Variants in HTR4 observed in about 807,000 individuals in gnomAD.
The protein encoded by HTR4 is 5-hydroxytryptamine receptor 4, also known as 5-hydroxytryptamine (serotonin) receptor 4, G protein-coupled.
In HTR4, 16 loss-of-function variants were observed where a neutral mutation model predicts 36.8. The ratio of observed to expected loss-of-function variants is 0.43; its 90% confidence interval spans 0.29 to 0.66. The LOEUF (loss-of-function observed/expected upper bound fraction) is 0.66, where lower values mean the gene tolerates loss of function less well. Ranked by LOEUF, HTR4 falls within the 30% of genes least tolerant of loss-of-function variation. HTR4 has a pLI of 0.13. For missense variants in HTR4, 438 were observed against 490.9 expected (o/e 0.89, Z 1.02); for synonymous variants, 189 against 185.1 (o/e 1.02, Z -0.17).
At position 148,614,929 on chromosome 5, in the gene HTR4, A is replaced by G. The variant is rs1390369151; in HGVS notation, c.26+22060T>C. Reference sequence around the variant, plus strand: ...TATGTAGCCAAAAAACACATGAAAAAATGCTCACCATCACTGGCCATCAGA... The same window carrying G: ...TATGTAGCCAAAAAACACATGAAAAGATGCTCACCATCACTGGCCATCAGA... On this transcript the variant is annotated intron_variant, in intron 2 of 6. Transcript: ENST00000377888. Among the ~76,000 whole-genome samples, 3 of 152,320 alleles carry G rather than the reference A, an allele frequency of 2.0e-5. No individual in the cohort carries two copies. The East Asian group carries it at 5.8e-4, about 29-fold the overall frequency.
At chr5:148,601,454 G>A (rs1196784265) in intron 2 of HTR4, among the ~76,000 whole-genome samples, 1 of 152,082 alleles carries the variant, frequency 6.6e-6, no homozygotes, top group Non-Finnish European at 1.5e-5. Flanking sequence ...TCTATTAATG[G>A]ATGGATAAAT....
At chr5:148,476,431 G>T (rs1581351514), downstream of HTR4, among the ~76,000 whole-genome samples, 1 of 152,160 alleles carries the variant, frequency 6.6e-6, no homozygotes, top group South Asian at 2.1e-4. Context: ...TAATCTTTCT[G>T]CCACTTGAAA....
At chr5:148,481,032 A>C (rs184178858), downstream of HTR4, among the ~76,000 whole-genome samples, 265 of 152,294 alleles carry the variant, frequency 1.7e-3, 2 homozygotes, top group Admixed American at 4.1e-3. Flanking sequence ...TCAGCAATGG[A>C]CCCAGTGCAC....
At chr5:148,616,433 T>C (rs1391476793) in intron 2 of HTR4, among the ~76,000 whole-genome samples, 1 of 152,056 alleles carries the variant, frequency 6.6e-6, no homozygotes, top group African/African-American at 2.4e-5. Flanking sequence ...GCATGCTTTT[T>C]CCCCCTCCCA....
chr5:148,617,008 A>G (rs1384099179), intron 2 of HTR4, among the ~76,000 whole-genome samples: 1 of 152,204 alleles, frequency 6.6e-6, no homozygotes, highest in African/African-American at 2.4e-5. Flanking sequence ...ACAGAATCTT[A>G]TATCATTATT....
At chr5:148,607,640 T>C (rs1163228203) in intron 2 of HTR4, among the ~76,000 whole-genome samples, 1 of 152,118 alleles carries the variant, frequency 6.6e-6, no homozygotes, top group Non-Finnish European at 1.5e-5. Context: ...TCCCAGCCAA[T>C]TGGAGCACTA....
intron 2 of HTR4, among the ~76,000 whole-genome samples, chr5:148,591,806 C>T (rs938532937): frequency 6.6e-6 from 1 of 152,124 alleles, no homozygotes; most frequent in Non-Finnish European, 1.5e-5. Flanking sequence ...ATAACAGATG[C>T]TGCAAGGTTG....
chr5:148,523,187 A>T lies in HTR4; in HGVS notation c.507+6T>A. 6.2e-7 allele frequency: 1 copy of T among 1,612,414 alleles called. No individual in the cohort carries two copies. Among genetic ancestry groups the T allele is most frequent in the Non-Finnish European group, 8.5e-7 (1 of 1,178,906 alleles). On this transcript the variant is annotated splice_donor_region_variant and intron_variant, in intron 5 of 6. Coordinates refer to ENST00000377888, the MANE Select transcript of HTR4 (RefSeq NM_000870.7). ...GTAAACCAGTGAGGTCTGTGTGGAT[A>T]CTCACCAAATCAATTATGCCAATGT...
chr5:148,504,354 CAACTGCATGGA>C (rs1757081856), intron 6 of HTR4, among the ~76,000 whole-genome samples: 1 of 152,200 alleles, frequency 6.6e-6, no homozygotes, highest in South Asian at 2.1e-4. Flanking sequence ...CAAAACTGCT[CAACTGCATGGA>C]AACAGAACAA....
downstream of HTR4, among the ~76,000 whole-genome samples, chr5:148,480,197 T>C (rs1755832720): frequency 6.6e-6 from 1 of 152,234 alleles, no homozygotes; most frequent in Non-Finnish European, 1.5e-5. Context: ...ATATGAGAAG[T>C]TACGCTCATT....
intron 1 of HTR4, chr5:148,645,449 T>C (rs897216796): frequency 6.6e-6 from 1 of 152,208 alleles, no homozygotes; most frequent in African/African-American, 2.4e-5. Flanking sequence ...AATTAAAAAA[T>C]GTAAACATCT....
intron 5 of HTR4, among the ~76,000 whole-genome samples, chr5:148,460,051 A>G (rs1755231062): frequency 6.6e-6 from 1 of 152,154 alleles, no homozygotes; most frequent in Admixed American, 6.6e-5. Context: ...TGGTTGAGAA[A>G]AGAATCTGTG....
chr5:148,631,567 T>G (rs2127300731), intron 2 of HTR4, among the ~76,000 whole-genome samples: 1 of 152,288 alleles, frequency 6.6e-6, no homozygotes, highest in African/African-American at 2.4e-5. Flanking sequence ...TATTCAGCAT[T>G]AAAAATTACC....
intron 4 of HTR4, among the ~76,000 whole-genome samples, chr5:148,545,329 C>T (rs1759334563): frequency 1.3e-5 from 2 of 152,242 alleles, no homozygotes; most frequent in African/African-American, 4.8e-5. Flanking sequence ...GTGCTGACCA[C>T]TCCATTTGTT....
At chr5:148,467,890 C>T (rs547031202) in intron 5 of HTR4, among the ~76,000 whole-genome samples, 1 of 152,340 alleles carries the variant, frequency 6.6e-6, no homozygotes, top group East Asian at 1.9e-4. Flanking sequence ...GTTTTCTACT[C>T]ACCACAAACC....
chr5:148,500,810 A>G (rs771851935), intron 6 of HTR4, among the ~76,000 whole-genome samples: 3 of 152,204 alleles, frequency 2.0e-5, no homozygotes, highest in Non-Finnish European at 4.4e-5. Flanking sequence ...TACAGCAATT[A>G]CTTTTACACT....
chr5:148,508,720 T>A (rs1193294659), intron 6 of HTR4, among the ~76,000 whole-genome samples: 1 of 152,180 alleles, frequency 6.6e-6, no homozygotes, highest in Non-Finnish European at 1.5e-5. Context: ...TGTTGTATAT[T>A]TATTATGGTA....
chr5:148,621,864 C>A (rs948558694), intron 2 of HTR4, among the ~76,000 whole-genome samples: 1 of 152,112 alleles, frequency 6.6e-6, no homozygotes, highest in Non-Finnish European at 1.5e-5. Flanking sequence ...TGATCTGGTC[C>A]ATCCATAATA....
chr5:148,588,420 G>A (rs531135752), intron 2 of HTR4, among the ~76,000 whole-genome samples: 1 of 152,088 alleles, frequency 6.6e-6, no homozygotes, highest in Non-Finnish European at 1.5e-5. Context: ...CTTGGGGAAT[G>A]GAGAAGAACC....
Sources: gnomAD v4.1 joint callset for allele counts (sites outside exome capture counted in the v4.1 genomes callset) on GRCh38, gnomAD v4.1.1 for gene constraint, MANE v1.5 for transcripts, NCBI Gene and HGNC (gene_info 2026-07-23, HGNC 2026-07-21) for gene names.